The following DNAJA3 variants were observed in gnomAD, a reference collection of about 807,000 sequenced individuals.
DNAJA3 encodes the protein dnaJ homolog subfamily A member 3, mitochondrial.
Under a neutral mutation model 54.9 loss-of-function variants are expected in DNAJA3, and 29 were observed. The observed-to-expected ratio is 0.53, with a 90% confidence interval of 0.39 to 0.72. The LOEUF (loss-of-function observed/expected upper bound fraction) is 0.72, where lower values mean the gene tolerates loss of function less well. DNAJA3 is among the 30% of genes least tolerant of loss of function. DNAJA3 has a pLI of 0.00. For synonymous variants in DNAJA3, 302 were observed against 251.4 expected, an observed-to-expected ratio of 1.20 and a Z score of -1.90; for missense variants, 708 against 639.4, an observed-to-expected ratio of 1.11 and a Z score of -1.16.
chr16:4,434,974 G>GC (rs1272881960), intron 2 of DNAJA3, among the ~76,000 whole-genome samples: 8 of 137,914 alleles, frequency 5.8e-5, no homozygotes, highest in African/African-American at 2.0e-4. Flanking sequence ...TTGGCTCACT[G>GC]CAACCTCTGC....
At chr16:4,432,952 T>C (rs551080055) in intron 1 of DNAJA3, among the ~76,000 whole-genome samples, 136 of 151,838 alleles carry the variant, frequency 9.0e-4, no homozygotes, top group African/African-American at 3.2e-3. Context: ...CCATCCTGGC[T>C]AACACGGCGA....
chr16:4,446,222 A>G (rs1249132336), intron 7 of DNAJA3, among the ~76,000 whole-genome samples: 1 of 149,406 alleles, frequency 6.7e-6, no homozygotes, highest in African/African-American at 2.5e-5. Context: ...CGGCTGGCCT[A>G]TACTTTCTAA....
At chr16:4,441,065 A>G in intron 3 of DNAJA3, 3 of 448,314 alleles carry the variant, frequency 6.7e-6, no homozygotes, top group South Asian at 3.7e-5. Flanking sequence ...GTGAAGTGTG[A>G]ATCTGTGAAG....
chr16:4,454,751 G>A lies in DNAJA3; in HGVS notation c.1340-60G>A. ...GGCCAGGCGGGGGTAGGTGGGCCCT[G>A]GGATGTGACTGTGGAAGTGCAGGCC... On this transcript the variant is annotated intron_variant, in intron 10 of 11. Transcript: ENST00000262375. 7 of 1,353,228 alleles carry A rather than the reference G, an allele frequency of 5.2e-6. No homozygotes were observed. In the Admixed American group the frequency reaches 1.3e-4, roughly 24 times the overall value. The allele number at this position is 1,353,228 out of a possible 1,614,324, so 83.8% of individuals were successfully genotyped here.
chr16:4,452,499 A>T (rs969740961), intron 10 of DNAJA3, among the ~76,000 whole-genome samples: 3 of 152,164 alleles, frequency 2.0e-5, no homozygotes, highest in Non-Finnish European at 4.4e-5. Flanking sequence ...ACCCACTGAG[A>T]TCCTTTGTCA....
Position 4,455,906 on chromosome 16 carries a change from G to T in DNAJA3, c.*374G>T. On this transcript the variant is annotated 3_prime_UTR_variant, in exon 12 of 12. Coordinates refer to ENST00000262375, the MANE Select transcript of DNAJA3 (RefSeq NM_005147.6). ...GCCATGCTTACAGCTTAGAAATGAA[G>T]CCTTAAGCTGCATCAAGTTACGAAG... 1 of 419,574 alleles carries T rather than the reference G, an allele frequency of 2.4e-6. No individual in the cohort carries two copies. Among genetic ancestry groups the T allele is most frequent in the Non-Finnish European group, 4.3e-6 (1 of 231,832 alleles). The allele number at this position is 419,574 out of a possible 1,614,324, so 26.0% of individuals were successfully genotyped here.
intron 3 of DNAJA3, among the ~76,000 whole-genome samples, chr16:4,438,445 C>A (rs1323877253): frequency 6.6e-6 from 1 of 152,272 alleles, no homozygotes; most frequent in East Asian, 1.9e-4. Context: ...ATGACATCCC[C>A]TTCCTCCACC....
chr16:4,455,714 G>C lies in DNAJA3; in HGVS notation c.*182G>C, dbSNP rs939335707. ...GGGACAACACCTCTCTCCACGGAAA[G>C]GTCACAGTGGACAGCCCGGGCAGTA... On this transcript the variant is annotated 3_prime_UTR_variant, in exon 12 of 12. Coordinates refer to ENST00000262375, the MANE Select transcript of DNAJA3 (RefSeq NM_005147.6). The C allele has an allele frequency of 3.3e-6, 3 of 915,676 alleles. No homozygotes were observed. In the African/African-American group the frequency reaches 5.0e-5, roughly 15 times the overall value. The allele number at this position is 915,676 out of a possible 1,614,324, so 56.7% of individuals were successfully genotyped here.
In DNAJA3 at chr16:4,443,028, C is replaced by T. The variant is rs1344932773; in HGVS notation, c.795C>T (p.Asn265=). The change falls in exon 6 of 12, where the codon AAC becomes AAT. Residue 265 remains asparagine, a synonymous_variant. Coordinates refer to ENST00000262375, the MANE Select transcript of DNAJA3 (RefSeq NM_005147.6). ...CTTGTTTTTATCAGGAAACCATCAA[C>T]ACAGGCCCTTTTGTGATGCGTTCCA... ...YCGGSGMETI[N]TGPFVMRSTC... 4 of 1,614,090 alleles carry T rather than the reference C, an allele frequency of 2.5e-6. No individual in the cohort carries two copies. In the South Asian group the frequency reaches 3.3e-5, roughly 13 times the overall value.
chr16:4,453,479 C>T (rs1415291373), intron 10 of DNAJA3, among the ~76,000 whole-genome samples: 2 of 151,742 alleles, frequency 1.3e-5, no homozygotes, highest in African/African-American at 2.4e-5. Flanking sequence ...ACTCTGTCAC[C>T]CGGGCCGGAG....
Position 4,448,812 on chromosome 16 carries a change from G to A in DNAJA3, c.1205G>A (p.Gly402Glu). 1 of 1,614,108 alleles carries A rather than the reference G, an allele frequency of 6.2e-7. No individual in the cohort carries two copies. Among genetic ancestry groups the A allele is most frequent in the Non-Finnish European group, 8.5e-7 (1 of 1,179,998 alleles). The change falls in exon 9 of 12, where the codon GGA becomes GAA. Residue 402 changes from glycine to glutamate, a missense_variant. By Grantham distance (98) the Gly-to-Glu change is moderately conservative. Transcript: ENST00000262375. The stretch of plus-strand genomic sequence containing the variant: ...CCCCGGATTAACAGCTACGGCTACG[G>A]AGACCACTACATCCACATCAAGATA... The part of the protein sequence containing the change: ...GIPRINSYGY[G>E]DHYIHIKIRV...
At chr16:4,446,795 C>G in intron 7 of DNAJA3, 91 bp from the exon 8 acceptor site, 2 of 1,515,150 alleles carry the variant, frequency 1.3e-6, no homozygotes, top group Non-Finnish European at 1.8e-6. Context: ...TGTAGTTTGT[C>G]AGGTCTGAGC....
At position 4,428,627 on chromosome 16, in the gene DNAJA3, G is replaced by A. The variant is rs117153650; in HGVS notation, c.211+2535G>A. ...TGTGAAGCTGTGACTAAGGAACTGC[G>A]GTTAGCTGTCTTGTTCCCCAAGTGA... is the stretch of plus-strand genomic sequence containing the variant. On this transcript the variant is annotated intron_variant, in intron 1 of 11. Transcript: ENST00000262375. Among the ~76,000 whole-genome samples the A allele has an allele frequency of 9.3e-3, 1,410 of 152,286 alleles. 15 individuals carry two copies. The highest frequency in any genetic ancestry group is 0.015 in the Non-Finnish European group (1,045 of 68,022).
At position 4,448,773 on chromosome 16, in the gene DNAJA3, G is replaced by T. The variant is rs1400305188; in HGVS notation, c.1166G>T (p.Gly389Val). ...CAGACAGACCAGAAGATTCGGATGG[G>T]TGGGAAAGGCATCCCCCGGATTAAC... ...GTQTDQKIRM[G>V]GKGIPRINSY... The change falls in exon 9 of 12, where the codon GGT (glycine) becomes GTT (valine). Residue 389 changes from glycine to valine, a missense_variant. Gly to Val is a moderately radical substitution (Grantham distance 109). Transcript: ENST00000262375. The T allele has an allele frequency of 6.2e-7, 1 of 1,614,046 alleles. No individual in the cohort carries two copies. Among genetic ancestry groups the T allele is most frequent in the Non-Finnish European group, 8.5e-7 (1 of 1,180,020 alleles).
chr16:4,427,865 C>A (rs1177219036), intron 1 of DNAJA3, among the ~76,000 whole-genome samples: 1 of 151,994 alleles, frequency 6.6e-6, no homozygotes, highest in African/African-American at 2.4e-5. Flanking sequence ...CACCATGTTA[C>A]CCAGGCTGGG....
intron 11 of DNAJA3, among the ~76,000 whole-genome samples, 171 bp downstream of exon 11, chr16:4,455,098 T>G (rs2057020235): frequency 6.6e-6 from 1 of 152,156 alleles, no homozygotes; most frequent in Non-Finnish European, 1.5e-5. Flanking sequence ...GCCTAGGGAA[T>G]AGATGACGTG....
chr16:4,434,886 CTTTTTTTTTTTTTTTT>C (rs202179531), intron 2 of DNAJA3, among the ~76,000 whole-genome samples: 1 of 100,194 alleles, frequency 1.0e-5, no homozygotes, highest in African/African-American at 4.1e-5. Context: ...CCTTTCCTTT[CTTTTTTTTTTTTTTTT>C]TTTTTTTTTT....
At chr16:4,439,136 G>T (rs1328537938) in intron 3 of DNAJA3, among the ~76,000 whole-genome samples, 2 of 151,928 alleles carry the variant, frequency 1.3e-5, no homozygotes, top group African/African-American at 4.8e-5. Flanking sequence ...AGGAGGTCAG[G>T]AGTTTGAGAC....
intron 8 of DNAJA3, 57 bp downstream of exon 8, chr16:4,447,071 A>C: frequency 3.2e-6 from 5 of 1,576,830 alleles, no homozygotes; most frequent in Non-Finnish European, 4.3e-6. Context: ...CTTTTTCTGA[A>C]ATGGAAAAGA....
Sources: allele counts gnomAD v4.1 joint callset (sites outside exome capture counted in the v4.1 genomes callset), GRCh38; gene constraint gnomAD v4.1.1; transcripts MANE v1.5; gene names NCBI Gene and HGNC (gene_info 2026-07-23, HGNC 2026-07-21).